CSMD1: variants seen among roughly 807,000 people sequenced by gnomAD.
CSMD1 encodes the protein CUB and Sushi multiple domains 1.
A neutral mutation model predicts 417.5 loss-of-function variants in CSMD1; 213 were observed. The ratio of observed to expected loss-of-function variants is 0.51; its 90% CI spans 0.46 to 0.57. The LOEUF (loss-of-function observed/expected upper bound fraction) is 0.57. Ranked by LOEUF, CSMD1 falls within the 20% of genes least tolerant of loss-of-function variation. CSMD1 has a pLI of 0.00. For missense variants in CSMD1, 6,923 were observed against 4,529.7 expected, an observed-to-expected ratio of 1.53 and a Z score of -15.17; for synonymous variants, 2,862 against 1,736.8, an observed-to-expected ratio of 1.65 and a Z score of -16.11.
intron 3 of CSMD1, among the ~76,000 whole-genome samples, chr8:4,040,657 T>C (rs750823913): frequency 1.3e-5 from 2 of 152,164 alleles, no homozygotes; most frequent in Non-Finnish European, 2.9e-5. Flanking sequence ...AACCATAACA[T>C]AGTTTTAAAA....
chr8:3,077,907 C>G (rs919030922), intron 49 of CSMD1, among the ~76,000 whole-genome samples: 13 of 152,234 alleles, frequency 8.5e-5, no homozygotes, highest in African/African-American at 3.1e-4. Context: ...GATTTAGGAG[C>G]TGTCATTTTC....
chr8:4,321,392 G>T (rs572005830), intron 3 of CSMD1, among the ~76,000 whole-genome samples: 1 of 152,046 alleles, frequency 6.6e-6, no homozygotes, highest in Non-Finnish European at 1.5e-5. Flanking sequence ...AATCAGAAGA[G>T]TTTTTTTCAT....
intron 5 of CSMD1, among the ~76,000 whole-genome samples, chr8:3,794,055 G>A (rs369157171): frequency 6.6e-6 from 1 of 152,144 alleles, no homozygotes; most frequent in African/African-American, 2.4e-5. Context: ...GACGAACCGT[G>A]TTCCACCATC....
At position 3,899,078 on chromosome 8, in the gene CSMD1, G is replaced by C. The variant is rs77746844; in HGVS notation, c.818+98825C>G. Among the ~76,000 whole-genome samples the C allele has an allele frequency of 7.0e-3, 1,067 of 152,286 alleles. 14 individuals carry two copies. Among genetic ancestry groups the C allele is most frequent in the African/African-American group, 0.024 (1,017 of 41,546 alleles). On this transcript the variant is annotated intron_variant, in intron 5 of 69. Coordinates refer to ENST00000635120, the MANE Select transcript of CSMD1 (RefSeq NM_033225.6). Reference sequence around the variant, plus strand: ...AGGTCAATAAAATGAGGAATAAATAGAGAAGGGTTCATCTCTAGTTTTAAT... The same window carrying C: ...AGGTCAATAAAATGAGGAATAAATACAGAAGGGTTCATCTCTAGTTTTAAT...
chr8:4,175,333 T>G (rs1385071232), intron 3 of CSMD1, among the ~76,000 whole-genome samples: 1 of 152,208 alleles, frequency 6.6e-6, no homozygotes, highest in Non-Finnish European at 1.5e-5. Context: ...AAAGTTATCT[T>G]CGTCACTTTT....
chr8:3,247,992 T>G lies in CSMD1; in HGVS notation c.4154-17761A>C, dbSNP rs543500165. On this transcript the variant is annotated intron_variant, in intron 26 of 69. Coordinates refer to ENST00000635120, the MANE Select transcript of CSMD1 (RefSeq NM_033225.6). Reference sequence around the variant, plus strand: ...ATCTGCAGGTCGCCAATTGTTTACTTTCTACATCAACATCATCAAACCACA... The same window carrying G: ...ATCTGCAGGTCGCCAATTGTTTACTGTCTACATCAACATCATCAAACCACA... 1.1e-4 allele frequency among the ~76,000 whole-genome samples: 16 copies of G among 152,250 alleles called. No homozygotes were observed. The South Asian group carries it at 3.3e-3, about 32-fold the overall frequency.
chr8:4,343,032 C>T (rs898907951), intron 3 of CSMD1, among the ~76,000 whole-genome samples: 1 of 152,092 alleles, frequency 6.6e-6, no homozygotes, highest in African/African-American at 2.4e-5. Flanking sequence ...TCCTCCAACC[C>T]TCATATTCAA....
At chr8:3,530,868 T>TG (rs1033801319) in intron 10 of CSMD1, among the ~76,000 whole-genome samples, 1 of 150,688 alleles carries the variant, frequency 6.6e-6, no homozygotes, top group Non-Finnish European at 1.5e-5. Flanking sequence ...TTTCCTATTT[T>TG]TTTTTTTAAG....
rs1000798939 is a variant in CSMD1 at position 4,887,802 on chromosome 8, C to A, written c.85+106530G>T. On this transcript the variant is annotated intron_variant, in intron 1 of 69. Coordinates refer to ENST00000635120, the MANE Select transcript of CSMD1 (RefSeq NM_033225.6). ...AAATGTCTCACTTCGTTTCTAGTGA[C>A]ACTTTTTGTTTTAAAGTCTTTTTTG... Among the ~76,000 whole-genome samples the A allele has an allele frequency of 5.9e-5, 9 of 151,922 alleles. 1 individual carries two copies. The highest frequency in any genetic ancestry group is 1.9e-4 in the African/African-American group (8 of 41,320).
chr8:4,390,648 G>A (rs1282961094), intron 3 of CSMD1, among the ~76,000 whole-genome samples: 2 of 151,930 alleles, frequency 1.3e-5, no homozygotes, highest in African/African-American at 4.8e-5. Context: ...CAAGGAGCTG[G>A]GACGACAGGC....
At chr8:3,774,159 C>G (rs1798773277) in intron 5 of CSMD1, among the ~76,000 whole-genome samples, 1 of 152,172 alleles carries the variant, frequency 6.6e-6, no homozygotes, top group African/African-American at 2.4e-5. Context: ...AAAGTGTTAT[C>G]TAAAGCCTTT....
At chr8:3,371,576 C>G (rs985143156) in intron 18 of CSMD1, among the ~76,000 whole-genome samples, 1 of 151,674 alleles carries the variant, frequency 6.6e-6, no homozygotes, top group Admixed American at 6.6e-5. Context: ...AAATGATACT[C>G]AGAATAACTT....
chr8:4,313,176 T>C (rs367811547), intron 3 of CSMD1, among the ~76,000 whole-genome samples: 2 of 152,126 alleles, frequency 1.3e-5, no homozygotes, highest in African/African-American at 2.4e-5. Context: ...ATCTACTAAA[T>C]GTACATTTTT....
At chr8:4,340,276 T>G (rs973209996) in intron 3 of CSMD1, among the ~76,000 whole-genome samples, 4 of 152,068 alleles carry the variant, frequency 2.6e-5, no homozygotes, top group Admixed American at 6.6e-5. Flanking sequence ...CCTTTTTCCT[T>G]GAGACTAGTC....
chr8:4,138,552 A>G lies in CSMD1; in HGVS notation c.416-106453T>C, dbSNP rs1168306633. Among the ~76,000 whole-genome samples the G allele has an allele frequency of 4.6e-5, 7 of 152,176 alleles. 1 individual carries two copies. The highest frequency in any genetic ancestry group is 1.7e-4 in the African/African-American group (7 of 41,444). On this transcript the variant is annotated intron_variant, in intron 3 of 69. Transcript: ENST00000635120. The stretch of plus-strand genomic sequence containing the variant: ...GAGGAAAGTGATGGCTATTTTATCT[A>G]AGAAAGAATCCCCTGGATCAGATCC...
At position 3,307,756 on chromosome 8, in the gene CSMD1, G is replaced by C; in HGVS notation, c.3889C>G (p.Pro1297Ala). The C allele has an allele frequency of 1.9e-6, 3 of 1,613,716 alleles. No individual in the cohort carries two copies. The highest frequency in any genetic ancestry group is 1.1e-5 in the South Asian group (1 of 91,070). The change falls in exon 25 of 70, where the codon CCG becomes GCG. Residue 1297 changes from proline (P) to alanine (A), a missense_variant. By Grantham distance (27) the Pro-to-Ala change is conservative (BLOSUM62 -1). Coordinates refer to ENST00000635120, the MANE Select transcript of CSMD1 (RefSeq NM_033225.6). ...GRILSPGYPA[P>A]YDNNLHCTWI... ...GTGCAGTGGAGGTTGTTGTCATACGGAGCTGGATAGCCAGGGGACAATATT... is the reference window on the plus strand; with the variant it reads ...GTGCAGTGGAGGTTGTTGTCATACGCAGCTGGATAGCCAGGGGACAATATT...
At chr8:3,269,573 C>T (rs13264547) in intron 26 of CSMD1, among the ~76,000 whole-genome samples, 40,583 of 151,904 alleles carry the variant, frequency 0.27, 5,619 homozygotes, top group African/African-American at 0.34. Context: ...CCACTATTTA[C>T]GGAGAAATCA....
At chr8:3,218,669 C>G (rs980147954) in intron 29 of CSMD1, among the ~76,000 whole-genome samples, 1 of 151,812 alleles carries the variant, frequency 6.6e-6, no homozygotes, top group Non-Finnish European at 1.5e-5. Flanking sequence ...GTCAGGAGAT[C>G]GAGACCAGCC....
At chr8:4,948,233 T>C (rs949081327) in intron 1 of CSMD1, among the ~76,000 whole-genome samples, 1 of 152,106 alleles carries the variant, frequency 6.6e-6, no homozygotes, top group African/African-American at 2.4e-5. Context: ...TATCAAATAG[T>C]ATCAAGGTTT....
Sources: gnomAD v4.1 joint callset for allele counts (sites outside exome capture counted in the v4.1 genomes callset) on GRCh38, gnomAD v4.1.1 for gene constraint, MANE v1.5 for transcripts, NCBI Gene and HGNC (gene_info 2026-07-23, HGNC 2026-07-21) for gene names.